NPAS3: variants seen among roughly 807,000 people sequenced by gnomAD.
NPAS3 encodes the protein neuronal PAS domain protein 3.
A neutral mutation model predicts 73.1 loss-of-function variants in NPAS3; 14 were observed. That is an observed-to-expected ratio of 0.19 (90% CI 0.13 to 0.30). The LOEUF (loss-of-function observed/expected upper bound fraction) is 0.30, where lower values mean the gene tolerates loss of function less well. Among genes scored for constraint, NPAS3 ranks in the 10% least tolerant of loss-of-function variants. The pLI, the probability that NPAS3 is intolerant of heterozygous loss-of-function variation, is 1.00. For synonymous variants in NPAS3, 620 were observed against 541.5 expected, an observed-to-expected ratio of 1.14 and a Z score of -2.01; for missense variants, 1,096 against 1,250.0, an observed-to-expected ratio of 0.88 and a Z score of 1.86.
rs76267463 is a variant in NPAS3 at position 33,013,390 on chromosome 14, T to A, written c.51-42515T>A. On this transcript the variant is annotated intron_variant, in intron 1 of 11. Coordinates refer to ENST00000356141, the Ensembl canonical transcript of NPAS3. Reference sequence around the variant, plus strand: ...TTTGGAATCATGTGTTTTGGCTCATTTTAATTAGTTTAAGATAATGAGTTT... The same window carrying A: ...TTTGGAATCATGTGTTTTGGCTCATATTAATTAGTTTAAGATAATGAGTTT... 4.9e-3 allele frequency among the ~76,000 whole-genome samples: 745 copies of A among 152,312 alleles called. 8 individuals are homozygous for A. Among genetic ancestry groups the A allele is most frequent in the African/African-American group, 0.017 (707 of 41,574 alleles).
At chr14:33,303,070 C>G (rs1210868684) in intron 3 of NPAS3, among the ~76,000 whole-genome samples, 1 of 152,064 alleles carries the variant, frequency 6.6e-6, no homozygotes, top group East Asian at 1.9e-4. Context: ...TTTTTGGTGA[C>G]TTTTGGCCAT....
intron 4 of NPAS3, among the ~76,000 whole-genome samples, chr14:33,398,398 A>G (rs1046132007): frequency 1.0e-5 from 1 of 97,860 alleles, no homozygotes; most frequent in East Asian, 2.3e-4. Flanking sequence ...AACCTTTGTT[A>G]TTTTCCTTTA....
chr14:33,647,884 C>G (rs1188217037), intron 5 of NPAS3, among the ~76,000 whole-genome samples: 1 of 152,168 alleles, frequency 6.6e-6, no homozygotes, highest in African/African-American at 2.4e-5. Flanking sequence ...TACATAGTCA[C>G]TCAAATGGCA....
exon 8 of NPAS3, chr14:33,774,455 A>C: frequency 6.2e-7 from 1 of 1,614,212 alleles, no homozygotes; most frequent in Non-Finnish European, 8.5e-7. Flanking sequence ...CCTACGATCA[A>C]TGAAGTCAGA....
At chr14:33,116,719 C>T (rs1164430436) in intron 2 of NPAS3, among the ~76,000 whole-genome samples, 1 of 152,010 alleles carries the variant, frequency 6.6e-6, no homozygotes, top group Non-Finnish European at 1.5e-5. Flanking sequence ...TGAGTGGTGC[C>T]TGTTATCCCC....
intron 3 of NPAS3, among the ~76,000 whole-genome samples, chr14:33,237,708 A>G (rs945633648): frequency 6.6e-6 from 1 of 152,024 alleles, no homozygotes; most frequent in African/African-American, 2.4e-5. Context: ...ATACGTATAT[A>G]TCTATAGATT....
chr14:33,481,279 A>T (rs1385301156), intron 4 of NPAS3, among the ~76,000 whole-genome samples: 1 of 152,132 alleles, frequency 6.6e-6, no homozygotes, highest in East Asian at 1.9e-4. Flanking sequence ...TTCATTGCAA[A>T]CGTCACAAAG....
At chr14:33,488,554 T>C (rs1005358317) in intron 4 of NPAS3, among the ~76,000 whole-genome samples, 2 of 152,190 alleles carry the variant, frequency 1.3e-5, no homozygotes, top group Non-Finnish European at 2.9e-5. Context: ...ATTTTTCTTT[T>C]CTGTTAGAAT....
chr14:33,778,461 T>C lies in NPAS3; in HGVS notation c.1047-5T>C. On this transcript the variant is annotated splice_region_variant and splice_polypyrimidine_tract_variant and intron_variant, in intron 8 of 11. Transcript: ENST00000356141. ...GAATTCCAGCCTGTGTTCTTCTCTT[T>C]GTAGGATTAGTGATTATATGGATCT... The C allele has an allele frequency of 1.9e-6, 3 of 1,583,596 alleles. No individual in the cohort carries two copies. Among genetic ancestry groups the C allele is most frequent in the East Asian group, 2.2e-5 (1 of 44,748 alleles).
intron 4 of NPAS3, among the ~76,000 whole-genome samples, chr14:33,379,509 G>A (rs1183389213): frequency 6.6e-6 from 1 of 152,134 alleles, no homozygotes; most frequent in African/African-American, 2.4e-5. Context: ...GCCCTTGGTG[G>A]TAGCAGACAT....
At chr14:33,271,482 G>A (rs972215166) in intron 3 of NPAS3, among the ~76,000 whole-genome samples, 1 of 152,104 alleles carries the variant, frequency 6.6e-6, no homozygotes, top group Non-Finnish European at 1.5e-5. Context: ...CAAGAGAGCA[G>A]GAGGTCAGAA....
intron 2 of NPAS3, among the ~76,000 whole-genome samples, chr14:33,107,743 A>G (rs902324527): frequency 2.0e-5 from 3 of 152,164 alleles, no homozygotes; most frequent in African/African-American, 7.2e-5. Flanking sequence ...TAGAAGTTTA[A>G]AAGGACAAGT....
At chr14:33,147,766 A>G (rs913095571) in intron 2 of NPAS3, among the ~76,000 whole-genome samples, 1 of 136,458 alleles carries the variant, frequency 7.3e-6, no homozygotes. Flanking sequence ...CACACAAAAA[A>G]GTTTGGATTA....
intron 2 of NPAS3, among the ~76,000 whole-genome samples, chr14:33,097,985 G>A (rs2042472224): frequency 6.6e-6 from 1 of 151,382 alleles, no homozygotes; most frequent in Non-Finnish European, 1.5e-5. Flanking sequence ...ATCTGTAGAG[G>A]AAAAAAAACT....
chr14:33,570,610 CT>C (rs777038306), intron 5 of NPAS3, among the ~76,000 whole-genome samples: 2 of 152,150 alleles, frequency 1.3e-5, no homozygotes, highest in Non-Finnish European at 2.9e-5. Context: ...ATTTCAAAAC[CT>C]TTTCACTTGA....
intron 2 of NPAS3, among the ~76,000 whole-genome samples, chr14:33,193,872 T>C (rs1176409892): frequency 6.6e-6 from 1 of 152,214 alleles, no homozygotes; most frequent in Non-Finnish European, 1.5e-5. Context: ...TTGTTTCATT[T>C]CTTTTGATAT....
Position 33,107,232 on chromosome 14 carries a change from A to G in NPAS3, c.140+51238A>G, listed in dbSNP as rs1263487767. 2.0e-5 allele frequency among the ~76,000 whole-genome samples: 3 copies of G among 151,878 alleles called. No homozygotes were observed. The East Asian group carries it at 5.8e-4, about 29-fold the overall frequency. The stretch of plus-strand genomic sequence containing the variant: ...TTTGGGGCTTTATGCTCTGTAAAAA[A>G]ATATATTTTCTTTTTTCCCCTAATT... On this transcript the variant is annotated intron_variant, in intron 2 of 11. Coordinates refer to ENST00000356141, the Ensembl canonical transcript of NPAS3.
chr14:33,048,415 T>A (rs960232219), intron 1 of NPAS3, among the ~76,000 whole-genome samples: 4 of 152,192 alleles, frequency 2.6e-5, no homozygotes, highest in African/African-American at 9.7e-5. Context: ...TGGAAATTAC[T>A]TTTCCTTTCC....
intron 4 of NPAS3, among the ~76,000 whole-genome samples, chr14:33,529,626 C>T (rs1373206577): frequency 1.3e-5 from 2 of 151,662 alleles, no homozygotes; most frequent in Non-Finnish European, 2.9e-5. Flanking sequence ...TATTTTTTTT[C>T]TTTTATGTAT....
Sources: allele counts gnomAD v4.1 joint callset (sites outside exome capture counted in the v4.1 genomes callset), GRCh38; gene constraint gnomAD v4.1.1; transcripts MANE v1.5; gene names NCBI Gene and HGNC (gene_info 2026-07-23, HGNC 2026-07-21).